The following TOMM70 variants were observed in gnomAD, a reference collection of about 807,000 sequenced individuals.
TOMM70 encodes the protein mitochondrial import receptor subunit TOM70.
In TOMM70, 13 loss-of-function variants were observed where a neutral mutation model predicts 73.6. The observed-to-expected ratio is 0.18, with a 90% CI of 0.11 to 0.28. The LOEUF (loss-of-function observed/expected upper bound fraction) is 0.28, where lower values mean the gene tolerates loss of function less well. TOMM70 is among the 10% of genes least tolerant of loss of function. TOMM70 has a pLI of 1.00. For missense variants in TOMM70, 609 were observed against 747.5 expected (o/e 0.81, Z 2.16); for synonymous variants, 257 against 271.2 (o/e 0.95, Z 0.51).
chr3:100,392,898 C>T (rs910555536), intron 1 of TOMM70, among the ~76,000 whole-genome samples: 1 of 152,000 alleles, frequency 6.6e-6, no homozygotes, highest in Non-Finnish European at 1.5e-5. Context: ...TGGAACTGGC[C>T]AGGCACGGTG....
intron 3 of TOMM70, 69 bp from the exon 4 acceptor site, chr3:100,384,657 G>T: frequency 9.0e-7 from 1 of 1,113,048 alleles, no homozygotes; most frequent in Non-Finnish European, 1.2e-6. Context: ...CATCAAATGG[G>T]TACAATGTAA....
chr3:100,400,143 A>AACTAACGTTGAC (rs1706875609), intron 1 of TOMM70, among the ~76,000 whole-genome samples: 1 of 152,038 alleles, frequency 6.6e-6, no homozygotes, highest in African/African-American at 2.4e-5. Context: ...TGCTTTTGTC[A>AACTAACGTTGAC]ACTAACCGTC....
Position 100,400,823 on chromosome 3 carries a change from G to A in TOMM70, c.127C>T (p.Leu43=). The change falls in exon 1 of 12, where the codon CTG becomes TTG. Residue 43 remains leucine, a synonymous_variant. Transcript: ENST00000284320. ...TGGLPRWQLA[L]AVGAPLLLGA... Reference sequence around the variant, plus strand: ...AGCAGCAGGGGTGCCCCGACCGCCAGAGCCAGCTGCCATCGCGGCAGCCCC... The same window carrying A: ...AGCAGCAGGGGTGCCCCGACCGCCAAAGCCAGCTGCCATCGCGGCAGCCCC... 1 of 1,525,536 alleles carries A rather than the reference G, an allele frequency of 6.6e-7. No homozygotes were observed. Among genetic ancestry groups the A allele is most frequent in the Non-Finnish European group, 8.7e-7 (1 of 1,144,336 alleles). The allele number at this position is 1,525,536 out of a possible 1,614,324, so 94.5% of individuals were successfully genotyped here. A position where few individuals can be genotyped will look rare whatever the true frequency, so the allele number is the denominator to read the frequency against.
At chr3:100,370,525 C>T (rs377375689) in intron 9 of TOMM70, among the ~76,000 whole-genome samples, 5 of 152,102 alleles carry the variant, frequency 3.3e-5, no homozygotes, top group African/African-American at 1.2e-4. Flanking sequence ...TAAGACAAAT[C>T]CCACGGCTGA....
Position 100,400,660 on chromosome 3 carries a change from C to T in TOMM70, c.290G>A (p.Gly97Glu). The part of the protein sequence containing the change: ...EGRASPAPGS[G>E]HPEGPGAHLD... ...GTGAGCACCGGGACCTTCAGGGTGT[C>T]CGCTGCCCGGGGCCGGACTGGCCCT... Residue 97 changes from glycine (G) to glutamate (E), a missense_variant, in exon 1 of 12, where the codon GGA (glycine) becomes GAA (glutamate). Physicochemically the swap from Gly to Glu is moderately conservative, Grantham distance 98 (BLOSUM62 -2). Transcript: ENST00000284320. 1.2e-6 allele frequency: 2 copies of T among 1,612,438 alleles called. No homozygotes were observed. The highest frequency in any genetic ancestry group is 2.7e-5 in the African/African-American group (2 of 75,012).
At chr3:100,391,341 GCTT>G (rs1706759378) in intron 1 of TOMM70, among the ~76,000 whole-genome samples, 1 of 152,028 alleles carries the variant, frequency 6.6e-6, no homozygotes, top group African/African-American at 2.4e-5. Context: ...CTAGAAGAAG[GCTT>G]CTTATCATAA....
Position 100,400,761 on chromosome 3 carries a change from T to A in TOMM70, c.189A>T (p.Gln63His), listed in dbSNP as rs1392743172. The A allele has an allele frequency of 6.3e-7, 1 of 1,589,738 alleles. No homozygotes were observed. Residue 63 changes from glutamine (Q) to histidine (H), a missense_variant, in exon 1 of 12, where the codon CAA (glutamine) becomes CAT (histidine). Gln to His is a conservative substitution (Grantham distance 24). Around this residue, in one of 2 missense-constraint regions of TOMM70, gnomAD observed 177 missense variants for 163.5 expected, o/e 1.08. Transcript: ENST00000284320. ...CCCGGCCTCTGGCCTCCCGGCGCCG[T>A]TGCTGCCGACTCCACAGGTATATGG... The part of the protein sequence containing the change: ...AGAIYLWSRQ[Q>H]RRREARGRGD...
At chr3:100,366,431 C>T (rs1706448135) in intron 11 of TOMM70, among the ~76,000 whole-genome samples, 1 of 152,162 alleles carries the variant, frequency 6.6e-6, no homozygotes, top group African/African-American at 2.4e-5. Flanking sequence ...CCTGCATATA[C>T]AGAGTCTAAC....
At chr3:100,386,678 G>T (rs1706696329) in intron 2 of TOMM70, 127 bp downstream of exon 2, 2 of 1,181,090 alleles carry the variant, frequency 1.7e-6, no homozygotes, top group Non-Finnish European at 2.4e-6. Flanking sequence ...ATGGAAATAA[G>T]AACAACATCC....
At chr3:100,378,047 C>T in intron 5 of TOMM70, 135 bp from the exon 6 acceptor site, 1 of 648,234 alleles carries the variant, frequency 1.5e-6, no homozygotes, top group Non-Finnish European at 2.6e-6. Flanking sequence ...GCATTCGAGA[C>T]CAGCCTGGCC....
chr3:100,391,115 T>A (rs534523586), intron 1 of TOMM70, among the ~76,000 whole-genome samples: 1 of 152,234 alleles, frequency 6.6e-6, no homozygotes, highest in African/African-American at 2.4e-5. Flanking sequence ...CACTCCATCC[T>A]GGGCAACAGA....
chr3:100,373,215 TGA>T (rs1465344860), intron 8 of TOMM70, among the ~76,000 whole-genome samples: 1 of 151,174 alleles, frequency 6.6e-6, no homozygotes, highest in Non-Finnish European at 1.5e-5. Flanking sequence ...GAAGCAGGGG[TGA>T]GAGAGCAAGT....
intron 1 of TOMM70, among the ~76,000 whole-genome samples, chr3:100,398,943 A>G (rs892633879): frequency 6.6e-6 from 1 of 152,172 alleles, no homozygotes; most frequent in Non-Finnish European, 1.5e-5. Context: ...TAGTTTGTTC[A>G]TTCCTACACC....
chr3:100,386,294 A>G lies in TOMM70; in HGVS notation c.549T>C (p.Asn183=). The G allele has an allele frequency of 3.1e-6, 5 of 1,613,312 alleles. No individual in the cohort carries two copies. The highest frequency in any genetic ancestry group is 4.2e-6 in the Non-Finnish European group (5 of 1,179,564). ...TAAAGAGAGCTTTCACATATTTGGGATTAAGTTCAACAGCTTTTGTACAGT... is the reference window on the plus strand; with the variant it reads ...TAAAGAGAGCTTTCACATATTTGGGGTTAAGTTCAACAGCTTTTGTACAGT... ...AQDCTKAVEL[N]PKYVKALFRR... Residue 183 remains asparagine (N), a synonymous_variant, in exon 3 of 12, where the codon AAT becomes AAC. Transcript: ENST00000284320.
At chr3:100,391,332 TAGA>T (rs773606511) in intron 1 of TOMM70, among the ~76,000 whole-genome samples, 66 of 152,306 alleles carry the variant, frequency 4.3e-4, no homozygotes, top group East Asian at 7.7e-4. Context: ...AGAGCTACTC[TAGA>T]AGAAGGCTTC....
At chr3:100,377,988 T>G (rs947988357) in intron 5 of TOMM70, 76 bp from the exon 6 acceptor site, 13 of 1,328,820 alleles carry the variant, frequency 9.8e-6, no homozygotes, top group Non-Finnish European at 1.3e-5. Flanking sequence ...GGCTCACGCC[T>G]GTAATCCCAG....
At chr3:100,392,588 G>T (rs535658112) in intron 1 of TOMM70, among the ~76,000 whole-genome samples, 2 of 151,870 alleles carry the variant, frequency 1.3e-5, no homozygotes, top group African/African-American at 4.8e-5. Flanking sequence ...GCTAATTTTT[G>T]TATTTTTAGT....
chr3:100,390,580 C>T (rs767996770), intron 1 of TOMM70, among the ~76,000 whole-genome samples: 9 of 152,208 alleles, frequency 5.9e-5, no homozygotes, highest in African/African-American at 9.6e-5. Flanking sequence ...GTAATCCCAG[C>T]ACTTTGGGAG....
intron 1 of TOMM70, among the ~76,000 whole-genome samples, chr3:100,391,827 G>T (rs557466472): frequency 1.0e-3 from 152 of 152,288 alleles, no homozygotes; most frequent in African/African-American, 3.4e-3. Flanking sequence ...ATTTAGTGTA[G>T]CCTAAGGGGT....
Sources: gnomAD v4.1 joint callset for allele counts (sites outside exome capture counted in the v4.1 genomes callset) on GRCh38, gnomAD v4.1.1 for gene constraint, gnomAD v4.1.1 regional missense constraint, MANE v1.5 for transcripts, NCBI Gene and HGNC (gene_info 2026-07-23, HGNC 2026-07-21) for gene names.